SREK1IP1: variants seen among roughly 807,000 people sequenced by gnomAD.
The protein encoded by SREK1IP1 is protein SREK1IP1.
SREK1IP1 carries 12 observed loss-of-function variants against 22.8 expected under a neutral mutation model. The observed-to-expected ratio is 0.53, with a 90% CI of 0.34 to 0.85. SREK1IP1 has a LOEUF of 0.85. SREK1IP1 is among the 40% of genes least tolerant of loss of function. The pLI is 0.02. For synonymous variants in SREK1IP1, 53 were observed against 52.7 expected (o/e 1.01, Z -0.02); for missense variants, 147 against 171.8 (o/e 0.86, Z 0.81).
At chr5:64,737,575 T>C (rs1438880517) in intron 3 of SREK1IP1, among the ~76,000 whole-genome samples, 1 of 93,900 alleles carries the variant, frequency 1.1e-5, no homozygotes, top group Non-Finnish European at 2.4e-5. Flanking sequence ...TTTAAGAAAC[T>C]AGAAAAAAAA....
chr5:64,763,386 A>AC (rs1461523969), intron 1 of SREK1IP1, among the ~76,000 whole-genome samples: 3 of 151,912 alleles, frequency 2.0e-5, no homozygotes, highest in Non-Finnish European at 4.4e-5. Flanking sequence ...AAATACAAAA[A>AC]ATTACCCGGG....
intron 3 of SREK1IP1, among the ~76,000 whole-genome samples, chr5:64,740,637 G>A (rs1460369297): frequency 2.0e-5 from 3 of 152,112 alleles, no homozygotes; most frequent in African/African-American, 7.2e-5. Context: ...TAAGATCACT[G>A]ATCTGCATGA....
At chr5:64,752,143 T>G (rs1276339868) in intron 2 of SREK1IP1, among the ~76,000 whole-genome samples, 3 of 88,368 alleles carry the variant, frequency 3.4e-5, no homozygotes, top group Admixed American at 3.2e-4. Context: ...ATTTTTTTTG[T>G]GTGTTTTTTT....
intron 4 of SREK1IP1, among the ~76,000 whole-genome samples, chr5:64,727,454 C>CAT (rs10649215): frequency 0.17 from 24,337 of 140,740 alleles, 2,325 homozygotes; most frequent in Non-Finnish European, 0.22. Flanking sequence ...CATCAGCCAC[C>CAT]ATATATATAT....
intron 1 of SREK1IP1, among the ~76,000 whole-genome samples, chr5:64,757,865 T>TTTC (rs1742871570): frequency 9.5e-6 from 1 of 104,962 alleles, no homozygotes; most frequent in African/African-American, 5.3e-5. Flanking sequence ...TCCTATCTTT[T>TTTC]TTTTTTTTTT....
intron 2 of SREK1IP1, 108 bp downstream of exon 2, chr5:64,754,207 G>A: frequency 1.0e-6 from 1 of 998,802 alleles, no homozygotes; most frequent in South Asian, 1.4e-5. Flanking sequence ...TAGGGCTAAA[G>A]GACTATGCAA....
intron 2 of SREK1IP1, among the ~76,000 whole-genome samples, chr5:64,752,734 T>G (rs1032187919): frequency 6.6e-6 from 1 of 152,200 alleles, no homozygotes; most frequent in African/African-American, 2.4e-5. Flanking sequence ...AATCATCTTC[T>G]TGACCTTTCT....
At position 64,751,273 on chromosome 5, in the gene SREK1IP1, T is replaced by A. The variant is rs1257316801; in HGVS notation, c.61+3042A>T. 3.9e-5 allele frequency among the ~76,000 whole-genome samples: 6 copies of A among 152,350 alleles called. No individual in the cohort carries two copies. The East Asian group carries it at 1.2e-3, about 29-fold the overall frequency. On this transcript the variant is annotated intron_variant, in intron 2 of 4. Coordinates refer to ENST00000513458, the MANE Select transcript of SREK1IP1 (RefSeq NM_173829.4). Reference sequence around the variant, plus strand: ...TCACTTTTCCCTCGGTTTATGCCTATATTATTTTACTCCACCATCTGATAT... The same window carrying A: ...TCACTTTTCCCTCGGTTTATGCCTAAATTATTTTACTCCACCATCTGATAT...
intron 2 of SREK1IP1, among the ~76,000 whole-genome samples, chr5:64,746,985 G>T (rs1742648558): frequency 6.6e-6 from 1 of 152,170 alleles, no homozygotes; most frequent in Admixed American, 6.5e-5. Context: ...ACTATTACCT[G>T]TTTATTATAT....
At chr5:64,747,859 C>T (rs1458051155) in intron 2 of SREK1IP1, among the ~76,000 whole-genome samples, 1 of 151,718 alleles carries the variant, frequency 6.6e-6, no homozygotes, top group Admixed American at 6.6e-5. Context: ...ATCTGGGAGG[C>T]AGAGGTTAGG....
At chr5:64,727,547 A>ATTTT (rs1460826364) in intron 4 of SREK1IP1, 41 of 121,948 alleles carry the variant, frequency 3.4e-4, no homozygotes, top group African/African-American at 2.1e-3. Flanking sequence ...ATATATATAT[A>ATTTT]TATATATTTT....
Position 64,721,192 on chromosome 5 carries a change from T to G in SREK1IP1, c.*3192A>C, listed in dbSNP as rs1240672173. Reference sequence around the variant, plus strand: ...TGTTCATGTCAATTACTGCACTAATTATATAACGGTGTATGCTCTGGTGTT... The same window carrying G: ...TGTTCATGTCAATTACTGCACTAATGATATAACGGTGTATGCTCTGGTGTT... On this transcript the variant is annotated 3_prime_UTR_variant, in exon 5 of 5. Coordinates refer to ENST00000513458, the MANE Select transcript of SREK1IP1 (RefSeq NM_173829.4). The G allele has an allele frequency of 2.0e-5, 3 of 152,216 alleles. No individual in the cohort carries two copies. The highest frequency in any genetic ancestry group is 2.0e-4 in the Admixed American group (3 of 15,284). 9.4% of individuals were successfully genotyped at this position (152,216 alleles called of 1,614,324 possible).
chr5:64,747,978 T>C (rs1027441675), intron 2 of SREK1IP1, among the ~76,000 whole-genome samples: 3 of 152,016 alleles, frequency 2.0e-5, no homozygotes, highest in Non-Finnish European at 2.9e-5. Flanking sequence ...AAAATCAACA[T>C]AGTAATTCTG....
At chr5:64,729,056 G>A (rs892718806) in intron 3 of SREK1IP1, among the ~76,000 whole-genome samples, 7 of 152,198 alleles carry the variant, frequency 4.6e-5, no homozygotes, top group African/African-American at 1.7e-4. Context: ...GCCAGGCGTG[G>A]CGGCAGGAGC....
At position 64,768,355 on chromosome 5, in the gene SREK1IP1, A is replaced by G. The variant is rs895014650; in HGVS notation, c.13+150T>C. ...TTCAGAGTTTATGTTTGGAGTGTAA[A>G]CTTTTTCATGTAAACAAAACAAACC... On this transcript the variant is annotated intron_variant, in intron 1 of 4. Transcript: ENST00000513458. The G allele has an allele frequency of 5.0e-6, 5 of 992,106 alleles. No individual in the cohort carries two copies. The African/African-American group carries it at 8.1e-5, about 16-fold the overall frequency. 61.5% of individuals were successfully genotyped at this position (992,106 alleles called of 1,614,324 possible).
At chr5:64,751,296 T>C (rs1241999506) in intron 2 of SREK1IP1, among the ~76,000 whole-genome samples, 1 of 152,236 alleles carries the variant, frequency 6.6e-6, no homozygotes, top group Non-Finnish European at 1.5e-5. Context: ...CACCATCTGA[T>C]ATTGTACTCT....
chr5:64,738,191 C>G (rs1005167878), intron 3 of SREK1IP1, among the ~76,000 whole-genome samples: 2 of 152,172 alleles, frequency 1.3e-5, no homozygotes, highest in South Asian at 2.1e-4. Context: ...TCTAGCAAAC[C>G]AAACTTAGCA....
rs1018270824 is a variant in SREK1IP1, at chr5:64,724,163, C to T, written c.*221G>A. The T allele has an allele frequency of 1.8e-5, 7 of 398,426 alleles. No homozygotes were observed. The highest frequency in any genetic ancestry group is 6.2e-5 in the African/African-American group (3 of 48,470). 24.7% of individuals were successfully genotyped at this position (398,426 alleles called of 1,614,324 possible). On this transcript the variant is annotated 3_prime_UTR_variant, in exon 5 of 5. Coordinates refer to ENST00000513458, the MANE Select transcript of SREK1IP1 (RefSeq NM_173829.4). ...TGTTTAGTATACACAAATAGCTATA[C>T]TTGGGGCATGGCTATCAAGTAACAA...
At chr5:64,725,583 C>T (rs941330555) in intron 4 of SREK1IP1, among the ~76,000 whole-genome samples, 1 of 152,144 alleles carries the variant, frequency 6.6e-6, no homozygotes, top group African/African-American at 2.4e-5. Context: ...TGCCTTCCTC[C>T]TTTAGTGACT....
Sources: gnomAD v4.1 joint callset for allele counts (sites outside exome capture counted in the v4.1 genomes callset) on GRCh38, gnomAD v4.1.1 for gene constraint, MANE v1.5 for transcripts, NCBI Gene and HGNC (gene_info 2026-07-23, HGNC 2026-07-21) for gene names.